MALRD1: variants seen among roughly 807,000 people sequenced by gnomAD.
MALRD1 encodes the protein MAM and LDL receptor class A domain containing 1.
In MALRD1, 247 loss-of-function variants were observed where a neutral mutation model predicts 242.1. The ratio of observed to expected loss-of-function variants is 1.02; its 90% confidence interval spans 0.92 to 1.13. The LOEUF is 1.13. Among genes scored for constraint, MALRD1 ranks in the 50% most tolerant of loss-of-function variants. The pLI is 0.00. For synonymous variants in MALRD1, 995 were observed against 866.6 expected (o/e 1.15, Z -2.60); for missense variants, 2,989 against 2,533.1 (o/e 1.18, Z -3.86).
chr10:19,714,088 AGGC>A (rs1834267820), intron 38 of MALRD1, among the ~76,000 whole-genome samples: 1 of 152,084 alleles, frequency 6.6e-6, no homozygotes, highest in East Asian at 1.9e-4. Context: ...AGCTGTCTGT[AGGC>A]AGCTTGTGTT....
chr10:19,314,720 T>C (rs1842566784), intron 21 of MALRD1, among the ~76,000 whole-genome samples: 2 of 151,684 alleles, frequency 1.3e-5, no homozygotes, highest in African/African-American at 4.8e-5. Context: ...GTAGTATCTA[T>C]GGCTGCTTTC....
chr10:19,392,703 G>A (rs1164257460), intron 28 of MALRD1, among the ~76,000 whole-genome samples: 1 of 151,984 alleles, frequency 6.6e-6, no homozygotes, highest in African/African-American at 2.4e-5. Context: ...AATAATAAGA[G>A]GATCAAAAAA....
In MALRD1 at chr10:19,108,387, CTTTTTTTTTTTTTTT is replaced by C. The variant is rs35948766; in HGVS notation, c.694+4336_694+4350del. The stretch of plus-strand genomic sequence containing the variant: ...TTATTGAGCTCATGAATTGTTTTTT[CTTTTTTTTTTTTTTT>C]TTTTTTTTTTTTTTTTTTTTTTTAA... On this transcript the variant is annotated intron_variant, in intron 5 of 39. Coordinates refer to ENST00000454679, the MANE Select transcript of MALRD1 (RefSeq NM_001142308.3). Among the ~76,000 whole-genome samples, 12 of 19,764 alleles carry C rather than the reference CTTTTTTTTTTTTTTT, an allele frequency of 6.1e-4. 1 individual carries two copies. The highest frequency in any genetic ancestry group is 1.4e-3 in the African/African-American group (4 of 2,782). The allele number at this position is 19,764 out of a possible 152,430, so 13.0% of individuals were successfully genotyped here.
At chr10:19,280,340 A>G (rs1840744711) in intron 20 of MALRD1, 117 bp downstream of exon 20, 1 of 698,850 alleles carries the variant, frequency 1.4e-6, no homozygotes, top group African/African-American at 1.9e-5. Context: ...AGTTAGAGCA[A>G]CTTCTAAATG....
chr10:19,433,530 A>C (rs1442885530), intron 28 of MALRD1, among the ~76,000 whole-genome samples: 1 of 152,206 alleles, frequency 6.6e-6, no homozygotes, highest in African/African-American at 2.4e-5. Flanking sequence ...TTGATAAGTC[A>C]AATTTTGGTC....
At chr10:19,690,334 T>C (rs1842764129) in intron 36 of MALRD1, among the ~76,000 whole-genome samples, 1 of 152,054 alleles carries the variant, frequency 6.6e-6, no homozygotes, top group Non-Finnish European at 1.5e-5. Context: ...CTGTGGAAAA[T>C]CAATCAATCA....
chr10:19,535,550 T>G (rs1377993271), intron 32 of MALRD1, among the ~76,000 whole-genome samples: 6 of 150,260 alleles, frequency 4.0e-5, no homozygotes, highest in Admixed American at 6.7e-5. Context: ...TACATATATA[T>G]ACACATATGT....
chr10:19,615,830 T>G, intron 35 of MALRD1, 27 bp from the exon 36 acceptor site: 1 of 1,468,752 alleles, frequency 6.8e-7, no homozygotes, highest in Non-Finnish European at 9.2e-7. Context: ...TATAATTAAC[T>G]GGTGTCTTTG....
chr10:19,719,155 T>TATATATATATATATAC (rs1834570952), intron 38 of MALRD1, among the ~76,000 whole-genome samples: 1 of 91,500 alleles, frequency 1.1e-5, no homozygotes, highest in African/African-American at 5.9e-5. Flanking sequence ...CTGTCCAAAT[T>TATATATATATATATAC]ATATATATAT....
At chr10:19,652,366 A>G (rs1460238591) in intron 36 of MALRD1, among the ~76,000 whole-genome samples, 1 of 152,240 alleles carries the variant, frequency 6.6e-6, no homozygotes, top group Non-Finnish European at 1.5e-5. Context: ...CATAATTTTC[A>G]AACTGCAAGT....
At chr10:19,644,240 GGCAAT>G (rs1419434101) in intron 36 of MALRD1, among the ~76,000 whole-genome samples, 5 of 152,146 alleles carry the variant, frequency 3.3e-5, no homozygotes, top group Non-Finnish European at 5.9e-5. Flanking sequence ...AAGATTCAAA[GGCAAT>G]GCTTTATAGG....
intron 26 of MALRD1, among the ~76,000 whole-genome samples, chr10:19,376,759 A>G (rs1381884982): frequency 6.6e-6 from 1 of 151,720 alleles, no homozygotes; most frequent in Non-Finnish European, 1.5e-5. Context: ...CCCCATCTTT[A>G]TTAGAGACGG....
intron 26 of MALRD1, among the ~76,000 whole-genome samples, chr10:19,376,845 C>T (rs1591341): frequency 0.57 from 86,165 of 151,822 alleles, 24,644 homozygotes; most frequent in Middle Eastern, 0.61. Context: ...TCCCTGAGTG[C>T]TGATACATTA....
chr10:19,066,083 A>G (rs182475594), intron 1 of MALRD1, among the ~76,000 whole-genome samples: 9 of 152,326 alleles, frequency 5.9e-5, no homozygotes, highest in Admixed American at 1.3e-4. Context: ...ATGTATTTGC[A>G]TATAACCTAT....
chr10:19,670,879 ATTTT>A (rs538335690), intron 36 of MALRD1, among the ~76,000 whole-genome samples: 1 of 134,268 alleles, frequency 7.4e-6, no homozygotes, highest in Non-Finnish European at 1.6e-5. Context: ...CAAAACAATC[ATTTT>A]TTTTTTTTTT....
At chr10:19,522,007 C>T (rs1367484579) in intron 31 of MALRD1, among the ~76,000 whole-genome samples, 2 of 152,066 alleles carry the variant, frequency 1.3e-5, no homozygotes, top group Non-Finnish European at 2.9e-5. Context: ...ATACTCACTT[C>T]TGGGCTATTG....
At chr10:19,645,226 C>G (rs181204626) in intron 36 of MALRD1, among the ~76,000 whole-genome samples, 33 of 152,214 alleles carry the variant, frequency 2.2e-4, no homozygotes, top group Admixed American at 4.6e-4. Flanking sequence ...AAGTCAGGAA[C>G]AACAGGTGCT....
chr10:19,624,664 A>C (rs1839564920), intron 36 of MALRD1, among the ~76,000 whole-genome samples: 1 of 151,830 alleles, frequency 6.6e-6, no homozygotes, highest in Admixed American at 6.6e-5. Context: ...TCAGGAGTTC[A>C]AGACCAGCCT....
intron 26 of MALRD1, among the ~76,000 whole-genome samples, chr10:19,356,413 A>G (rs554165845): frequency 9.9e-5 from 15 of 152,170 alleles, no homozygotes; most frequent in Non-Finnish European, 1.9e-4. Context: ...TAGAGTCACA[A>G]TGTGTAAGCC....
Sources: gnomAD v4.1 joint callset for allele counts (sites outside exome capture counted in the v4.1 genomes callset) on GRCh38, gnomAD v4.1.1 for gene constraint, MANE v1.5 for transcripts, NCBI Gene and HGNC (gene_info 2026-07-23, HGNC 2026-07-21) for gene names.